CCND3: variants seen among roughly 807,000 people sequenced by gnomAD.
CCND3 encodes G1/S-specific cyclin-D3.
In CCND3, 9 loss-of-function variants were observed where a neutral mutation model predicts 28.7. The ratio of observed to expected loss-of-function variants is 0.31; its 90% CI spans 0.19 to 0.55. The LOEUF is 0.55. Ranked by LOEUF, CCND3 falls within the 20% of genes least tolerant of loss-of-function variation. CCND3 has a pLI of 0.93. For missense variants in CCND3, 315 were observed against 385.8 expected, an observed-to-expected ratio of 0.82 and a Z score of 1.54; for synonymous variants, 164 against 163.9, an observed-to-expected ratio of 1.00 and a Z score of 0.00.
chr6:41,978,243 G>A (rs910134601), intron 1 of CCND3, among the ~76,000 whole-genome samples: 17 of 149,724 alleles, frequency 1.1e-4, no homozygotes, highest in Admixed American at 8.0e-4. Context: ...GCACGGTGGC[G>A]GGCACCTGTA....
intron 1 of CCND3, among the ~76,000 whole-genome samples, chr6:41,960,672 G>A (rs568429370): frequency 2.0e-5 from 3 of 152,226 alleles, no homozygotes; most frequent in African/African-American, 7.2e-5. Context: ...TTAACTTTTA[G>A]TAGATATTTA....
At chr6:41,940,953 C>T (rs1352936961) in intron 1 of CCND3, 1 of 1,612,788 alleles carries the variant, frequency 6.2e-7, no homozygotes, top group East Asian at 2.2e-5. Context: ...TGCACACACC[C>T]GAGGGGAAGG....
intron 1 of CCND3, among the ~76,000 whole-genome samples, chr6:41,975,738 T>A (rs1762160451): frequency 7.9e-6 from 1 of 127,140 alleles, no homozygotes; most frequent in Non-Finnish European, 1.6e-5. Flanking sequence ...CTTGCTTGAC[T>A]TTTTTTTTTT....
chr6:42,003,460 G>C (rs1226275778), intron 1 of CCND3, among the ~76,000 whole-genome samples: 1 of 143,364 alleles, frequency 7.0e-6, no homozygotes, highest in Non-Finnish European at 1.5e-5. Flanking sequence ...CAGAGGTGGA[G>C]GCTGCAGTGA....
chr6:41,986,292 T>C (rs1762478250), intron 1 of CCND3, among the ~76,000 whole-genome samples: 1 of 151,870 alleles, frequency 6.6e-6, no homozygotes, highest in Non-Finnish European at 1.5e-5. Context: ...AATTTCAGGA[T>C]TGTTTTTTCT....
At chr6:42,007,828 A>G (rs1209848028) in intron 1 of CCND3, among the ~76,000 whole-genome samples, 2 of 152,182 alleles carry the variant, frequency 1.3e-5, no homozygotes, top group African/African-American at 4.8e-5. Context: ...CGATCCACAA[A>G]CAAAAGCACA....
At chr6:42,018,052 G>A (rs1763576369) in intron 1 of CCND3, among the ~76,000 whole-genome samples, 1 of 151,904 alleles carries the variant, frequency 6.6e-6, no homozygotes. Context: ...AGGAGGCTGA[G>A]GCAGGAGAAT....
chr6:41,944,515 G>C (rs927139081), upstream of CCND3, among the ~76,000 whole-genome samples: 1 of 151,842 alleles, frequency 6.6e-6, no homozygotes, highest in African/African-American at 2.4e-5. Flanking sequence ...TCTGCCTCCT[G>C]GTTTCAAGTG....
chr6:41,977,067 C>T (rs939741457), intron 1 of CCND3, among the ~76,000 whole-genome samples: 1 of 152,186 alleles, frequency 6.6e-6, no homozygotes, highest in Non-Finnish European at 1.5e-5. Flanking sequence ...TGTTGAATGA[C>T]TCATTGGCAT....
intron 1 of CCND3, among the ~76,000 whole-genome samples, chr6:42,015,059 G>A (rs146223648): frequency 9.9e-5 from 15 of 152,174 alleles, no homozygotes; most frequent in South Asian, 2.1e-4. Flanking sequence ...AAACACACAC[G>A]TATTCATTTT....
rs35776222 is a variant in CCND3, at chr6:41,989,454, C to CAAAAAAAAAAAA, written c.-45-48881_-45-48870dup. Among the ~76,000 whole-genome samples the CAAAAAAAAAAAA allele has an allele frequency of 2.7e-3, 59 of 21,606 alleles. 5 individuals carry two copies. Among genetic ancestry groups the CAAAAAAAAAAAA allele is most frequent in the Non-Finnish European group, 4.4e-3 (40 of 9,046 alleles). The allele number at this position is 21,606 out of a possible 152,430, so 14.2% of individuals were successfully genotyped here. A position where few individuals can be genotyped will look rare whatever the true frequency, so the allele number is the denominator to read the frequency against. On this transcript the variant is annotated intron_variant, in intron 1 of 4. Coordinates refer to the CCND3 transcript ENST00000372988. The stretch of plus-strand genomic sequence containing the variant: ...GGGCGACAAGAGTGAAACACTGTCT[C>CAAAAAAAAAAAA]AAAAAAAAAAAACAAAAAAAAAAAA...
intron 1 of CCND3, among the ~76,000 whole-genome samples, chr6:41,968,014 T>C (rs1365211035): frequency 6.6e-6 from 1 of 152,230 alleles, no homozygotes; most frequent in Admixed American, 6.5e-5. Context: ...TAATTATTAG[T>C]CTTTTCTGAA....
At chr6:42,049,024 G>A, upstream of CCND3, 1 of 165,344 alleles carries the variant, frequency 6.0e-6, no homozygotes, top group South Asian at 1.6e-4. Context: ...ACATCATGAG[G>A]AGCGACTTCT....
At chr6:41,987,366 T>C (rs558396432) in intron 1 of CCND3, among the ~76,000 whole-genome samples, 2 of 152,054 alleles carry the variant, frequency 1.3e-5, no homozygotes, top group South Asian at 2.1e-4. Flanking sequence ...ACTGGGTGCT[T>C]ATACAAGCTA....
intron 1 of CCND3, among the ~76,000 whole-genome samples, chr6:41,965,468 T>C (rs1289262007): frequency 6.6e-6 from 1 of 152,170 alleles, no homozygotes; most frequent in Non-Finnish European, 1.5e-5. Context: ...CTGGATTGCC[T>C]TGATGCCTTG....
At chr6:41,974,501 G>A (rs1762119321) in intron 1 of CCND3, among the ~76,000 whole-genome samples, 1 of 152,118 alleles carries the variant, frequency 6.6e-6, no homozygotes, top group Non-Finnish European at 1.5e-5. Flanking sequence ...AGTGTACAGT[G>A]AGCCCGTGAT....
intron 1 of CCND3, among the ~76,000 whole-genome samples, chr6:42,040,508 T>C (rs1764339237): frequency 6.6e-6 from 1 of 152,090 alleles, no homozygotes. Flanking sequence ...ACCAGCTATA[T>C]GACTTTGGAC....
chr6:41,954,128 A>T (rs1582102938), intron 1 of CCND3, among the ~76,000 whole-genome samples: 3 of 150,640 alleles, frequency 2.0e-5, no homozygotes, highest in Non-Finnish European at 3.0e-5. Context: ...GTGTGCACCT[A>T]TAGTCCCAGC....
chr6:41,942,632 C>T (rs545341600), upstream of CCND3, among the ~76,000 whole-genome samples: 1 of 152,210 alleles, frequency 6.6e-6, no homozygotes, highest in Admixed American at 6.5e-5. Context: ...AAACTAGATT[C>T]TCATTGAATC....
Sources: allele counts gnomAD v4.1 joint callset (sites outside exome capture counted in the v4.1 genomes callset), GRCh38; gene constraint gnomAD v4.1.1; transcripts MANE v1.5; gene names NCBI Gene and HGNC (gene_info 2026-07-23, HGNC 2026-07-21).